ADGRL3: variants seen among roughly 807,000 people sequenced by gnomAD.
ADGRL3 encodes adhesion G protein-coupled receptor L3.
Under a neutral mutation model 153.5 loss-of-function variants are expected in ADGRL3, and 62 were observed. The observed-to-expected ratio is 0.40, with a 90% CI of 0.33 to 0.50. The LOEUF is 0.50. ADGRL3 is among the 20% of genes least tolerant of loss of function. The probability of loss-of-function intolerance (pLI) is 0.47; values close to 1 mark genes in which losing one functional copy is unlikely to be tolerated. For synonymous variants in ADGRL3, 710 were observed against 672.5 expected (o/e 1.06, Z -0.86); for missense variants, 1,641 against 1,859.4 (o/e 0.88, Z 2.16).
At chr4:61,393,464 T>C (rs940005002) in intron 2 of ADGRL3, among the ~76,000 whole-genome samples, 2 of 152,224 alleles carry the variant, frequency 1.3e-5, no homozygotes, top group Middle Eastern at 3.4e-3. Context: ...CAAGAGTAAA[T>C]GTAAACTCAT....
Position 61,946,948 on chromosome 4 carries a change from C to T in ADGRL3, c.2454C>T (p.Asn818=). The T allele has an allele frequency of 6.2e-7, 1 of 1,613,790 alleles. No individual in the cohort carries two copies. The highest frequency in any genetic ancestry group is 8.5e-7 in the Non-Finnish European group (1 of 1,179,802). ...EIRVAFVLYN[N]LGPYLSTENA... is the part of the protein sequence containing the mutation. Reference sequence around the variant, plus strand: ...GAGTGGCCTTTGTCCTGTATAACAACTTGGGTCCTTATTTATCCACGGAGA... The same window carrying T: ...GAGTGGCCTTTGTCCTGTATAACAATTTGGGTCCTTATTTATCCACGGAGA... Residue 818 remains asparagine, a synonymous_variant, in exon 16 of 27, where the codon AAC becomes AAT. Coordinates refer to ENST00000683033, the MANE Select transcript of ADGRL3 (RefSeq NM_001387552.1).
At chr4:61,974,777 T>C (rs1352833486) in intron 17 of ADGRL3, among the ~76,000 whole-genome samples, 2 of 152,238 alleles carry the variant, frequency 1.3e-5, no homozygotes, top group Non-Finnish European at 2.9e-5. Flanking sequence ...ATTTTTATAC[T>C]CGTTTGACAC....
chr4:61,917,683 T>C (rs2098751000), intron 13 of ADGRL3, among the ~76,000 whole-genome samples: 3 of 147,858 alleles, frequency 2.0e-5, no homozygotes, highest in Admixed American at 1.3e-4. Flanking sequence ...ACTCTAGTCA[T>C]GGGATGGGGG....
At position 62,070,860 on chromosome 4, in the gene ADGRL3, T is replaced by A; in HGVS notation, c.4584T>A (p.Pro1528=). The A allele has an allele frequency of 6.4e-7, 1 of 1,551,414 alleles. No individual in the cohort carries two copies. Among genetic ancestry groups the A allele is most frequent in the Non-Finnish European group, 8.7e-7 (1 of 1,146,840 alleles). The part of the protein sequence containing the change: ...FIVPPNKDGT[P]PEGSSKGPAH... ...TTCCTCCAAACAAAGATGGGACCCC[T>A]CCCGAGGGAAGTTCAAAAGGACCGG... is the stretch of plus-strand genomic sequence containing the variant. The change falls in exon 27 of 27, where the codon CCT becomes CCA. Residue 1528 remains proline (P), a synonymous_variant. Transcript: ENST00000683033.
At chr4:61,341,249 A>G (rs1034194387) in intron 1 of ADGRL3, among the ~76,000 whole-genome samples, 1 of 151,990 alleles carries the variant, frequency 6.6e-6, no homozygotes, top group Non-Finnish European at 1.5e-5. Context: ...GCTATATTTC[A>G]TATTTTCAAA....
chr4:61,356,273 C>T (rs574389992), intron 1 of ADGRL3, among the ~76,000 whole-genome samples: 6 of 151,902 alleles, frequency 3.9e-5, no homozygotes, highest in Non-Finnish European at 7.4e-5. Flanking sequence ...GATAAGAGTA[C>T]ATTTAAGCCT....
At chr4:61,871,942 T>C (rs2098447957) in intron 9 of ADGRL3, among the ~76,000 whole-genome samples, 1 of 152,224 alleles carries the variant, frequency 6.6e-6, no homozygotes, top group Non-Finnish European at 1.5e-5. Context: ...TGATAACTAA[T>C]CTAAATGTCA....
At chr4:61,429,553 T>G (rs1441152782) in intron 2 of ADGRL3, among the ~76,000 whole-genome samples, 3 of 152,112 alleles carry the variant, frequency 2.0e-5, no homozygotes, top group Non-Finnish European at 4.4e-5. Context: ...TAGCTTAGAC[T>G]TGGAGGAAAA....
chr4:61,646,972 C>G lies in ADGRL3; in HGVS notation c.474-29854C>G, dbSNP rs149907798. Among the ~76,000 whole-genome samples, 18 of 152,330 alleles carry G rather than the reference C, an allele frequency of 1.2e-4. No homozygotes were observed. The East Asian group carries it at 3.5e-3, about 30-fold the overall frequency. Reference sequence around the variant, plus strand: ...CCTCCGAGCCAGGTGCGGATATAATCTCCTGGTGCGCCGTTTTTTAAGCCG... The same window carrying G: ...CCTCCGAGCCAGGTGCGGATATAATGTCCTGGTGCGCCGTTTTTTAAGCCG... On this transcript the variant is annotated intron_variant, in intron 5 of 26. Transcript: ENST00000683033.
rs181381126 is a variant in ADGRL3 at position 61,307,674 on chromosome 4, G to C, written c.-239-75450G>C. On this transcript the variant is annotated intron_variant, in intron 1 of 26. Coordinates refer to ENST00000683033, the MANE Select transcript of ADGRL3 (RefSeq NM_001387552.1). ...AATATGGATGTTTCAAAAAGTATCAGAACAAAATGGATGAAAAAGATATGT... is the reference window on the plus strand; with the variant it reads ...AATATGGATGTTTCAAAAAGTATCACAACAAAATGGATGAAAAAGATATGT... 3.3e-5 allele frequency among the ~76,000 whole-genome samples: 5 copies of C among 152,088 alleles called. No homozygotes were observed. The East Asian group carries it at 7.7e-4, about 24-fold the overall frequency.
rs114954716 is a variant in ADGRL3 at position 62,050,299 on chromosome 4, C to T, written c.3814+5750C>T. On this transcript the variant is annotated intron_variant, in intron 25 of 26. Transcript: ENST00000683033. ...AAGAAATAAAGGTAATATATTTCTT[C>T]TCCCTACCTTAGATAATGACATAAG... 7.3e-3 allele frequency among the ~76,000 whole-genome samples: 1,113 copies of T among 152,146 alleles called. 17 individuals are homozygous for T. Among genetic ancestry groups the T allele is most frequent in the African/African-American group, 0.024 (1,015 of 41,564 alleles).
chr4:61,349,131 A>G (rs1277205057), intron 1 of ADGRL3, among the ~76,000 whole-genome samples: 1 of 152,022 alleles, frequency 6.6e-6, no homozygotes, highest in Non-Finnish European at 1.5e-5. Context: ...AATATTTTAT[A>G]ATAAGTTACT....
chr4:61,589,342 A>G (rs2098959853), intron 5 of ADGRL3, among the ~76,000 whole-genome samples: 2 of 152,086 alleles, frequency 1.3e-5, no homozygotes, highest in Non-Finnish European at 2.9e-5. Flanking sequence ...GAGAAAAGAA[A>G]TCAGGTTTTA....
chr4:61,424,059 A>G (rs4860415), intron 2 of ADGRL3, among the ~76,000 whole-genome samples: 152,171 of 152,180 alleles, frequency 1, 76,081 homozygotes, highest in Middle Eastern at 1. Flanking sequence ...GTTGATGGAC[A>G]GGTGGTGGGT....
intron 8 of ADGRL3, among the ~76,000 whole-genome samples, chr4:61,746,796 A>G (rs199977706): frequency 3.3e-4 from 50 of 149,684 alleles, no homozygotes; most frequent in African/African-American, 6.7e-4. Context: ...CAATTAAAAG[A>G]ACTAGAAAAG....
intron 2 of ADGRL3, among the ~76,000 whole-genome samples, chr4:61,455,459 A>T (rs544356205): frequency 2.0e-4 from 31 of 152,150 alleles, no homozygotes; most frequent in Non-Finnish European, 4.3e-4. Context: ...TAAATAATTC[A>T]TTTATTCAAG....
At chr4:61,378,194 G>A (rs572428025) in intron 1 of ADGRL3, among the ~76,000 whole-genome samples, 6 of 151,980 alleles carry the variant, frequency 3.9e-5, no homozygotes, top group Non-Finnish European at 7.4e-5. Flanking sequence ...CAGAAGTTCA[G>A]TAGTTTTTCT....
chr4:62,074,475 A>G lies in ADGRL3; in HGVS notation c.*3567A>G, dbSNP rs1746551128. On this transcript the variant is annotated 3_prime_UTR_variant, in exon 27 of 27. Transcript: ENST00000683033. ...CTCCTAACTGATAAATATTTGCGGC[A>G]AAGTCCAAATTTTGTGAAGGAGAAA... The G allele has an allele frequency of 6.6e-6, 1 of 152,158 alleles. No homozygotes were observed. Among genetic ancestry groups the G allele is most frequent in the Non-Finnish European group, 1.5e-5 (1 of 68,016 alleles). The allele number at this position is 152,158 out of a possible 1,614,324, so 9.4% of individuals were successfully genotyped here.
chr4:61,927,704 T>G (rs1338763867), intron 13 of ADGRL3, among the ~76,000 whole-genome samples: 1 of 152,166 alleles, frequency 6.6e-6, no homozygotes, highest in Middle Eastern at 3.2e-3. Flanking sequence ...ACACTTGACC[T>G]TTACATTTTG....
Sources: gnomAD v4.1 joint callset for allele counts (sites outside exome capture counted in the v4.1 genomes callset) on GRCh38, gnomAD v4.1.1 for gene constraint, MANE v1.5 for transcripts, NCBI Gene and HGNC (gene_info 2026-07-23, HGNC 2026-07-21) for gene names.